The following EDA variants were observed in gnomAD, a reference collection of about 807,000 sequenced individuals.
EDA encodes the protein ectodysplasin-A.
In EDA, 2 loss-of-function variants were observed where a neutral mutation model predicts 23.6. The ratio of observed to expected loss-of-function variants is 0.08; its 90% CI spans 0.03 to 0.27. The LOEUF (loss-of-function observed/expected upper bound fraction) is 0.27. Ranked by LOEUF, EDA falls within the 10% of genes least tolerant of loss-of-function variation. The pLI is 1.00. For synonymous variants in EDA, 131 were observed against 132.0 expected, an observed-to-expected ratio of 0.99 and a Z score of 0.05; for missense variants, 229 against 324.2, an observed-to-expected ratio of 0.71 and a Z score of 2.26.
At chrX:70,010,538 G>T (rs2019861127) in intron 2 of EDA, among the ~76,000 whole-genome samples, 1 of 111,462 alleles carries the variant, frequency 9.0e-6, no homozygotes, top group Non-Finnish European at 1.9e-5. Flanking sequence ...ATATAGTTGG[G>T]TCTTGTTTCT....
At chrX:69,745,324 A>G (rs2804371) in intron 1 of EDA, among the ~76,000 whole-genome samples, 6 of 111,680 alleles carry the variant, frequency 5.4e-5, no homozygotes, top group Non-Finnish European at 9.4e-5. Context: ...AGGAAATTAA[A>G]TCTTCAAAAA....
At chrX:69,892,523 A>T (rs754928496) in intron 1 of EDA, among the ~76,000 whole-genome samples, 5 of 111,600 alleles carry the variant, frequency 4.5e-5, no homozygotes, top group East Asian at 5.6e-4. Flanking sequence ...GGGACCAAAA[A>T]ATCTTCCAGT....
intron 1 of EDA, among the ~76,000 whole-genome samples, chrX:69,788,718 G>T (rs1484766013): frequency 2.2e-4 from 25 of 112,969 alleles, no homozygotes; most frequent in Admixed American, 7.4e-4. Context: ...GGACATTTAA[G>T]TCTGCAGAGG....
At chrX:69,727,332 C>T (rs1917588286) in intron 1 of EDA, among the ~76,000 whole-genome samples, 1 of 112,105 alleles carries the variant, frequency 8.9e-6, no homozygotes, top group Admixed American at 9.4e-5. Context: ...AACAGGACTA[C>T]CTATTCCCAT....
At chrX:69,659,713 A>C (rs1489525397) in intron 1 of EDA, among the ~76,000 whole-genome samples, 1 of 111,706 alleles carries the variant, frequency 9.0e-6, no homozygotes, top group East Asian at 2.8e-4. Context: ...TGTAGTAATA[A>C]ATTCTTTCTT....
At chrX:69,999,248 T>C (rs977814382) in intron 2 of EDA, among the ~76,000 whole-genome samples, 4 of 111,927 alleles carry the variant, frequency 3.6e-5, no homozygotes, top group African/African-American at 1.3e-4. Flanking sequence ...AATAACCATA[T>C]TATTTTTAAT....
At chrX:69,698,795 A>G (rs1222576050) in intron 1 of EDA, among the ~76,000 whole-genome samples, 1 of 110,979 alleles carries the variant, frequency 9.0e-6, no homozygotes, top group Non-Finnish European at 1.9e-5. Context: ...TTTATTCCCA[A>G]GGATGTAGAG....
At chrX:69,952,301 G>A (rs1000142982) in intron 1 of EDA, among the ~76,000 whole-genome samples, 8 of 112,233 alleles carry the variant, frequency 7.1e-5, no homozygotes, top group Non-Finnish European at 1.5e-4. Flanking sequence ...TGGACTTACA[G>A]TTCTCCGTGG....
chrX:69,937,230 C>T, intron 1 of EDA: 1 of 909,205 alleles, frequency 1.1e-6, no homozygotes, highest in Non-Finnish European at 1.6e-6. Context: ...TGAACCAGAA[C>T]CAAGGCCATA....
chrX:69,773,511 C>T (rs1434028551), intron 1 of EDA, among the ~76,000 whole-genome samples: 1 of 111,723 alleles, frequency 9.0e-6, no homozygotes, highest in Admixed American at 9.5e-5. Flanking sequence ...GCAGCTCCAC[C>T]ATTTTACATC....
At chrX:69,750,621 T>C (rs1372671870) in intron 1 of EDA, among the ~76,000 whole-genome samples, 3 of 111,574 alleles carry the variant, frequency 2.7e-5, no homozygotes, top group African/African-American at 9.8e-5. Flanking sequence ...ATGGTTGAAC[T>C]AGTTTACAGT....
At chrX:69,895,206 G>A (rs750578350) in intron 1 of EDA, among the ~76,000 whole-genome samples, 39 of 110,990 alleles carry the variant, frequency 3.5e-4, no homozygotes, top group African/African-American at 9.8e-4. Context: ...GTGATGAATC[G>A]CATTTATTGA....
intron 1 of EDA, among the ~76,000 whole-genome samples, chrX:69,810,256 TCAAAAAAAAAAAAAAAAAAAAAAAAAAAA>T: frequency 6.4e-5 from 1 of 15,578 alleles, no homozygotes; most frequent in South Asian, 0.013. Flanking sequence ...AGACTCCATC[TCAAAAAAAAAAAAAAAAAAAAAAAAAAAA>T]AAAAAAAAAA....
rs2017130336 is a variant in EDA at position 69,851,409 on chromosome X, A to G, written c.397-105618A>G. 2.7e-5 allele frequency among the ~76,000 whole-genome samples: 3 copies of G among 112,471 alleles called. No individual in the cohort carries two copies. In the East Asian group the frequency reaches 8.3e-4, roughly 31 times the overall value. On this transcript the variant is annotated intron_variant, in intron 1 of 7. Coordinates refer to ENST00000374552, the MANE Select transcript of EDA (RefSeq NM_001399.5). The stretch of plus-strand genomic sequence containing the variant: ...TTCTAACTAAATTTAACCAGTTTCT[A>G]TTGAAAGAGCAATGAAATAAAAGCC...
intron 1 of EDA, among the ~76,000 whole-genome samples, chrX:69,736,010 G>GA (rs11316346): frequency 0.016 from 1,655 of 102,399 alleles, 32 homozygotes; most frequent in African/African-American, 0.057. Context: ...ATCTGCAAGA[G>GA]AAAAAAAAAA....
chrX:69,821,781 C>T (rs2016231015), intron 1 of EDA, among the ~76,000 whole-genome samples: 1 of 111,750 alleles, frequency 8.9e-6, no homozygotes, highest in South Asian at 3.8e-4. Flanking sequence ...TTCTGGGTGC[C>T]TCTTGGATGT....
At chrX:69,879,206 T>C in intron 1 of EDA, among the ~76,000 whole-genome samples, 1 of 110,975 alleles carries the variant, frequency 9.0e-6, no homozygotes, top group Non-Finnish European at 1.9e-5. Context: ...TATTGCTGTT[T>C]AGGATCTGAT....
chrX:69,657,464 C>A (rs1429560099), intron 1 of EDA, among the ~76,000 whole-genome samples: 1 of 112,103 alleles, frequency 8.9e-6, no homozygotes, highest in Non-Finnish European at 1.9e-5. Context: ...TTTCACTGTG[C>A]AGAAGCTCTT....
At chrX:69,792,526 A>G (rs2015430840) in intron 1 of EDA, among the ~76,000 whole-genome samples, 1 of 112,054 alleles carries the variant, frequency 8.9e-6, no homozygotes, top group South Asian at 3.7e-4. Flanking sequence ...CTACTTTTAA[A>G]TCTTTAAAGA....
Sources: gnomAD v4.1 joint callset for allele counts (sites outside exome capture counted in the v4.1 genomes callset) on GRCh38, gnomAD v4.1.1 for gene constraint, MANE v1.5 for transcripts, NCBI Gene and HGNC (gene_info 2026-07-23, HGNC 2026-07-21) for gene names.